Variants in DTWD2 observed in about 807,000 individuals in gnomAD.
The protein encoded by DTWD2 is tRNA-uridine aminocarboxypropyltransferase 2.
A neutral mutation model predicts 31.8 loss-of-function variants in DTWD2; 39 were observed. The observed-to-expected ratio is 1.22, with a 90% CI of 0.95 to 1.60. The LOEUF is 1.60. DTWD2 is among the 40% of genes most tolerant of loss of function. DTWD2 has a pLI of 0.00. For synonymous variants in DTWD2, 180 were observed against 142.8 expected, an observed-to-expected ratio of 1.26 and a Z score of -1.86; for missense variants, 515 against 381.5, an observed-to-expected ratio of 1.35 and a Z score of -2.92.
At chr5:118,968,892 G>C (rs1282729228) in intron 1 of DTWD2, among the ~76,000 whole-genome samples, 2 of 152,186 alleles carry the variant, frequency 1.3e-5, no homozygotes, top group African/African-American at 4.8e-5. Context: ...ATTCCAGCTG[G>C]CCAGTGGCAG....
chr5:118,837,964 A>G lies in DTWD2; in HGVS notation c.*2953T>C, dbSNP rs1232969901. The G allele has an allele frequency of 1.3e-5, 2 of 152,188 alleles. No homozygotes were observed. The highest frequency in any genetic ancestry group is 4.8e-5 in the African/African-American group (2 of 41,440). 9.4% of individuals were successfully genotyped at this position (152,188 alleles called of 1,614,324 possible). ...ATCACTAACTGGTGGTATAGTGAGGAGCTTATTTCTTCCAAAATATATGAA... is the reference window on the plus strand; with the variant it reads ...ATCACTAACTGGTGGTATAGTGAGGGGCTTATTTCTTCCAAAATATATGAA... On this transcript the variant is annotated 3_prime_UTR_variant, in exon 6 of 6. Coordinates refer to ENST00000510708, the MANE Select transcript of DTWD2 (RefSeq NM_173666.4).
At chr5:118,934,451 T>C (rs562711239) in intron 3 of DTWD2, among the ~76,000 whole-genome samples, 2 of 151,844 alleles carry the variant, frequency 1.3e-5, no homozygotes, top group South Asian at 2.1e-4. Flanking sequence ...GGAGATTGCA[T>C]GGAATTATAT....
Position 118,840,774 on chromosome 5 carries a change from G to T in DTWD2, c.*143C>A, listed in dbSNP as rs1751693111. The stretch of plus-strand genomic sequence containing the variant: ...GTTTATTTGTATTTATGAATATTTG[G>T]TTTACTTCCTTCTTCTGGGTAAGAT... On this transcript the variant is annotated 3_prime_UTR_variant, in exon 6 of 6. Transcript: ENST00000510708. 3.8e-6 allele frequency: 3 copies of T among 798,262 alleles called. No homozygotes were observed. Among genetic ancestry groups the T allele is most frequent in the Non-Finnish European group, 5.3e-6 (3 of 565,034 alleles). The allele number at this position is 798,262 out of a possible 1,614,324, so 49.4% of individuals were successfully genotyped here.
At chr5:118,967,712 G>A (rs1754885513) in intron 1 of DTWD2, among the ~76,000 whole-genome samples, 1 of 152,072 alleles carries the variant, frequency 6.6e-6, no homozygotes, top group African/African-American at 2.4e-5. Flanking sequence ...ATAAATAAAT[G>A]GGGAGAAAAA....
At chr5:118,927,569 CTGAG>C (rs1435921475) in intron 4 of DTWD2, among the ~76,000 whole-genome samples, 1 of 151,796 alleles carries the variant, frequency 6.6e-6, no homozygotes, top group Non-Finnish European at 1.5e-5. Flanking sequence ...AAATGCATTC[CTGAG>C]TAATTAAAAT....
At chr5:118,921,977 T>A (rs575279850) in intron 4 of DTWD2, among the ~76,000 whole-genome samples, 34 of 152,326 alleles carry the variant, frequency 2.2e-4, no homozygotes, top group South Asian at 1.7e-3. Flanking sequence ...GCTCTGCTTA[T>A]CAAGCGAGAA....
At chr5:118,967,029 C>CA (rs1428318068) in intron 1 of DTWD2, among the ~76,000 whole-genome samples, 2,644 of 74,150 alleles carry the variant, frequency 0.036, 85 homozygotes, top group African/African-American at 0.12. Flanking sequence ...GACTCCATCT[C>CA]AAAAAAAAAA....
chr5:118,960,968 T>C (rs1050672307), intron 1 of DTWD2, among the ~76,000 whole-genome samples: 31 of 152,180 alleles, frequency 2.0e-4, no homozygotes, highest in Admixed American at 5.2e-4. Context: ...AATTACCTAG[T>C]AGATACTATG....
At chr5:118,889,531 T>G (rs576564238) in intron 4 of DTWD2, among the ~76,000 whole-genome samples, 1 of 152,144 alleles carries the variant, frequency 6.6e-6, no homozygotes, top group Non-Finnish European at 1.5e-5. Flanking sequence ...CGGGGGGATA[T>G]GCATGTATAT....
At chr5:118,975,776 A>G (rs1755141186) in intron 1 of DTWD2, among the ~76,000 whole-genome samples, 1 of 152,126 alleles carries the variant, frequency 6.6e-6, no homozygotes, top group African/African-American at 2.4e-5. Flanking sequence ...TCAATACTGG[A>G]CCGATCAATG....
chr5:118,969,706 A>G (rs1210467924), intron 1 of DTWD2, among the ~76,000 whole-genome samples: 1 of 152,196 alleles, frequency 6.6e-6, no homozygotes, highest in Non-Finnish European at 1.5e-5. Flanking sequence ...CAAAGATAGA[A>G]GGTAGATAAG....
rs181765221 is a variant in DTWD2 at position 118,987,838 on chromosome 5, C to A, written c.218+456G>T. ...GGACGTATGTAGGGTTTGAAGAGAACCTAGAATGAACACCTGAAAAGGCCC... is the reference window on the plus strand; with the variant it reads ...GGACGTATGTAGGGTTTGAAGAGAAACTAGAATGAACACCTGAAAAGGCCC... On this transcript the variant is annotated intron_variant, in intron 1 of 5. Transcript: ENST00000510708. Among the ~76,000 whole-genome samples, 530 of 152,238 alleles carry A rather than the reference C, an allele frequency of 3.5e-3. 4 individuals carry two copies. Among genetic ancestry groups the A allele is most frequent in the African/African-American group, 0.012 (498 of 41,534 alleles).
chr5:118,885,788 T>C (rs150143087), intron 4 of DTWD2, among the ~76,000 whole-genome samples: 3,689 of 150,312 alleles, frequency 0.025, 61 homozygotes, highest in Non-Finnish European at 0.027. Flanking sequence ...ATAAAAATAA[T>C]AAAAAATAAA....
intron 3 of DTWD2, among the ~76,000 whole-genome samples, chr5:118,933,643 G>A (rs965630277): frequency 3.9e-5 from 6 of 152,082 alleles, no homozygotes; most frequent in Admixed American, 3.9e-4. Context: ...GAATAGGGGA[G>A]AATGTCCTCA....
chr5:118,864,864 C>G (rs979117013), intron 4 of DTWD2, among the ~76,000 whole-genome samples: 4 of 152,046 alleles, frequency 2.6e-5, no homozygotes, highest in African/African-American at 9.7e-5. Flanking sequence ...TGCTCACTTA[C>G]AGAACTTTTC....
At chr5:118,879,487 G>A (rs750063525) in intron 4 of DTWD2, among the ~76,000 whole-genome samples, 22 of 151,724 alleles carry the variant, frequency 1.5e-4, no homozygotes, top group Non-Finnish European at 2.6e-4. Flanking sequence ...GCGCACACCT[G>A]TAGTCCCAGC....
chr5:118,902,919 A>G (rs1274886341), intron 4 of DTWD2, among the ~76,000 whole-genome samples: 1 of 152,086 alleles, frequency 6.6e-6, no homozygotes, highest in Non-Finnish European at 1.5e-5. Context: ...ATACCACATA[A>G]ATAAATAGAT....
chr5:118,960,796 C>G (rs1428494907), intron 1 of DTWD2, among the ~76,000 whole-genome samples: 1 of 152,026 alleles, frequency 6.6e-6, no homozygotes, highest in Non-Finnish European at 1.5e-5. Context: ...AGCTGGAGGC[C>G]ATTATCCTAA....
intron 1 of DTWD2, among the ~76,000 whole-genome samples, chr5:118,971,944 A>C (rs1218615887): frequency 6.6e-6 from 1 of 152,228 alleles, no homozygotes; most frequent in African/African-American, 2.4e-5. Flanking sequence ...GAGACACTGC[A>C]CCAGAATCTC....
Sources: gnomAD v4.1 joint callset for allele counts (sites outside exome capture counted in the v4.1 genomes callset) on GRCh38, gnomAD v4.1.1 for gene constraint, MANE v1.5 for transcripts, NCBI Gene and HGNC (gene_info 2026-07-23, HGNC 2026-07-21) for gene names.